ARLN: variants seen among roughly 807,000 people sequenced by gnomAD.
ARLN encodes sarcoplasmic/endoplasmic reticulum calcium ATPase regulator ARLN.
the ARLN span, chr4:119,298,663 C>A: frequency 4.7e-6 from 3 of 637,756 alleles, no homozygotes; most frequent in South Asian, 2.1e-5. Flanking sequence ...GGAAGGGTCC[C>A]TTGGAGATGT....
the ARLN span, chr4:119,298,811 T>C: frequency 1.8e-5 from 14 of 771,880 alleles, no homozygotes; most frequent in South Asian, 1.9e-4. Context: ...CAGCAATATG[T>C]GCTTTATCTT....
the ARLN span, chr4:119,300,338 T>A: frequency 1.2e-6 from 2 of 1,606,276 alleles, no homozygotes; most frequent in East Asian, 4.5e-5. Flanking sequence ...ATACTCACCA[T>A]GGCAAAAAAT....
At chr4:119,300,568 A>T in the ARLN span, 1 of 1,614,016 alleles carries the variant, frequency 6.2e-7, no homozygotes, top group Non-Finnish European at 8.5e-7. Context: ...AACCCTAGAA[A>T]CCGAAAATGC....
the ARLN span, chr4:119,304,317 T>G: frequency 6.5e-7 from 1 of 1,537,264 alleles, no homozygotes; most frequent in Non-Finnish European, 8.7e-7. Flanking sequence ...AGAGGGTTAT[T>G]TTCTCAAGAT....
chr4:119,301,343 G>C, the ARLN span, among the ~76,000 whole-genome samples: 1 of 151,530 alleles, frequency 6.6e-6, no homozygotes. Context: ...AGAATCGCTT[G>C]AACCCGGGAG....
chr4:119,297,571 T>C, the ARLN span: 4 of 152,214 alleles, frequency 2.6e-5, no homozygotes, highest in African/African-American at 4.8e-5. Flanking sequence ...GCCTCCCAAA[T>C]AGCTGGGACT....
chr4:119,300,214 T>TCAC, the ARLN span: 58 of 801,602 alleles, frequency 7.2e-5, no homozygotes, highest in East Asian at 1.4e-3. Context: ...ACTGCGCCAC[T>TCAC]CACCAGCTGT....
chr4:119,302,728 C>T, the ARLN span, among the ~76,000 whole-genome samples: 4 of 152,210 alleles, frequency 2.6e-5, no homozygotes, highest in Non-Finnish European at 5.9e-5. Flanking sequence ...TGATCCAACA[C>T]TTCCATAATT....
At chr4:119,301,431 G>C in the ARLN span, among the ~76,000 whole-genome samples, 1 of 151,768 alleles carries the variant, frequency 6.6e-6, no homozygotes, top group Non-Finnish European at 1.5e-5. Flanking sequence ...CATCTGGGGG[G>C]AAATGGGGGT....
the ARLN span, among the ~76,000 whole-genome samples, chr4:119,301,652 G>A: frequency 6.6e-6 from 1 of 152,274 alleles, no homozygotes; most frequent in East Asian, 1.9e-4. Context: ...CATAGTAAAT[G>A]GAGATAAGAC....
the ARLN span, among the ~76,000 whole-genome samples, chr4:119,298,988 G>A: frequency 6.6e-6 from 1 of 152,104 alleles, no homozygotes; most frequent in African/African-American, 2.4e-5. Flanking sequence ...TACCAAAACA[G>A]GGAGGGAGAG....
At chr4:119,299,612 A>G in the ARLN span, among the ~76,000 whole-genome samples, 3 of 152,204 alleles carry the variant, frequency 2.0e-5, no homozygotes, top group African/African-American at 7.2e-5. Flanking sequence ...CTCTGCCAGA[A>G]TTGTCTTTTC....
At chr4:119,298,589 G>A in the ARLN span, 1 of 467,196 alleles carries the variant, frequency 2.1e-6, no homozygotes, top group Non-Finnish European at 3.9e-6. Context: ...ACTTAGCTAG[G>A]AATGGGTGAA....
the ARLN span, among the ~76,000 whole-genome samples, chr4:119,302,127 C>T: frequency 7.9e-5 from 12 of 152,174 alleles, no homozygotes; most frequent in Non-Finnish European, 1.3e-4. Context: ...GGATCAATTA[C>T]TCCTAGTTAT....
the ARLN span, chr4:119,301,071 C>T: frequency 3.0e-6 from 1 of 331,088 alleles, no homozygotes; most frequent in Non-Finnish European, 5.5e-6. Context: ...TCCAAACGGG[C>T]CAGAGAGCAG....
the ARLN span, among the ~76,000 whole-genome samples, chr4:119,302,685 G>A: frequency 1.3e-5 from 2 of 152,204 alleles, no homozygotes; most frequent in African/African-American, 2.4e-5. Context: ...ATATGCACCA[G>A]GGACTACAGA....
the ARLN span, among the ~76,000 whole-genome samples, chr4:119,304,089 T>C: frequency 1.3e-5 from 2 of 152,364 alleles, no homozygotes; most frequent in Admixed American, 6.5e-5. Context: ...TCTTGGCCTC[T>C]GGGCTTTGGT....
At chr4:119,304,441 G>A in the ARLN span, 5 of 1,521,904 alleles carry the variant, frequency 3.3e-6, no homozygotes, top group African/African-American at 2.8e-5. Flanking sequence ...TATTAGACTG[G>A]TCATCTTTCA....
At chr4:119,300,382 T>A in the ARLN span, 1 of 1,612,870 alleles carries the variant, frequency 6.2e-7, no homozygotes, top group Non-Finnish European at 8.5e-7. Flanking sequence ...TCGAAAAGGA[T>A]GAAAAGCCAG....
Sources: allele counts gnomAD v4.1 joint callset (sites outside exome capture counted in the v4.1 genomes callset), GRCh38; gene constraint gnomAD v4.1.1; transcripts MANE v1.5; gene names NCBI Gene and HGNC (gene_info 2026-07-23, HGNC 2026-07-21).